STARD13: variants seen among roughly 807,000 people sequenced by gnomAD.
STARD13 encodes the protein StAR related lipid transfer domain containing 13, also known as stAR-related lipid transfer protein 13.
STARD13 carries 62 observed loss-of-function variants against 106.4 expected under a neutral mutation model. That is an observed-to-expected ratio of 0.58 (90% CI 0.48 to 0.72). STARD13 has a LOEUF of 0.72. STARD13 is among the 30% of genes least tolerant of loss of function. STARD13 has a pLI of 0.00. For synonymous variants in STARD13, 565 were observed against 553.0 expected (o/e 1.02, Z -0.31); for missense variants, 1,387 against 1,424.0 (o/e 0.97, Z 0.42).
At chr13:33,420,823 T>G in the STARD13 span, among the ~76,000 whole-genome samples, 1 of 152,120 alleles carries the variant, frequency 6.6e-6, no homozygotes, top group Non-Finnish European at 1.5e-5. Context: ...CACAACCACA[T>G]GGAAACTGAA....
Position 33,276,269 on chromosome 13 carries a change from C to T in STARD13, c.169+9201G>A, listed in dbSNP as rs530827753. On this transcript the variant is annotated intron_variant, in intron 1 of 13. Transcript: ENST00000336934. Reference sequence around the variant, plus strand: ...ATGATTAAGAACCTGTTAAACATAACGCATGGGTTTACAGAAGTCCAGACA... The same window carrying T: ...ATGATTAAGAACCTGTTAAACATAATGCATGGGTTTACAGAAGTCCAGACA... 6.6e-5 allele frequency: 10 copies of T among 152,216 alleles called. No individual in the cohort carries two copies. The East Asian group carries it at 1.5e-3, about 24-fold the overall frequency. 9.4% of individuals were successfully genotyped at this position (152,216 alleles called of 1,614,324 possible).
At chr13:33,359,340 G>A in the STARD13 span, 10 of 164,424 alleles carry the variant, frequency 6.1e-5, no homozygotes, top group South Asian at 1.7e-3. Flanking sequence ...TCACCGCGAA[G>A]GTCTGCAGCT....
At chr13:33,493,135 G>C in the STARD13 span, among the ~76,000 whole-genome samples, 1 of 152,170 alleles carries the variant, frequency 6.6e-6, no homozygotes, top group Non-Finnish European at 1.5e-5. Context: ...GAGGGAATCA[G>C]CAATGTGTGT....
intron 1 of STARD13, among the ~76,000 whole-genome samples, chr13:33,240,318 A>G (rs1889407852): frequency 1.3e-5 from 2 of 152,134 alleles, no homozygotes; most frequent in Admixed American, 1.3e-4. Flanking sequence ...AGGAAGTATG[A>G]AGCCTCCAAC....
rs1877145345 is a variant in STARD13 at position 33,126,208 on chromosome 13, A to G, written c.1955T>C (p.Val652Ala). Residue 652 changes from valine to alanine, a missense_variant, in exon 7 of 14, where the codon GTT becomes GCT. By Grantham distance (64) the Val-to-Ala change is moderately conservative. Coordinates refer to ENST00000336934, the MANE Select transcript of STARD13 (RefSeq NM_178006.4). Reference protein sequence around the residue: ...SVPKFMKRMKVPDYKDKAVFG... With the variant: ...SVPKFMKRMKAPDYKDKAVFG... ...GACAGCCTTGTCTTTGTAGTCGGGA[A>G]CTTTCATCCTCTTCATGAACTTTGG... 6 of 1,614,058 alleles carry G rather than the reference A, an allele frequency of 3.7e-6. No individual in the cohort carries two copies. Among genetic ancestry groups the G allele is most frequent in the Non-Finnish European group, 3.4e-6 (4 of 1,180,040 alleles).
chr13:33,514,795 G>A, the STARD13 span, among the ~76,000 whole-genome samples: 1 of 152,076 alleles, frequency 6.6e-6, no homozygotes, highest in Non-Finnish European at 1.5e-5. Context: ...AAACAAAAAA[G>A]GAGCCTGCCA....
chr13:33,188,495 C>T (rs1314969659), intron 1 of STARD13, among the ~76,000 whole-genome samples: 5 of 152,172 alleles, frequency 3.3e-5, no homozygotes, highest in African/African-American at 1.2e-4. Context: ...CACACCCACC[C>T]ACCCACATGC....
chr13:33,569,801 T>C, the STARD13 span, among the ~76,000 whole-genome samples: 1 of 147,646 alleles, frequency 6.8e-6, no homozygotes, highest in Non-Finnish European at 1.5e-5. Context: ...CTTTGATCAA[T>C]AGCTTAAGAT....
the STARD13 span, among the ~76,000 whole-genome samples, chr13:33,619,149 C>G: frequency 6.7e-6 from 1 of 149,166 alleles, no homozygotes; most frequent in Non-Finnish European, 1.5e-5. Flanking sequence ...AGCACCACAA[C>G]CTATAAGCAA....
chr13:33,155,998 T>C (rs1488906004), intron 3 of STARD13, among the ~76,000 whole-genome samples: 1 of 152,232 alleles, frequency 6.6e-6, no homozygotes, highest in African/African-American at 2.4e-5. Flanking sequence ...CATGCTACAG[T>C]TAATTAGTAT....
chr13:33,582,430 G>A, the STARD13 span, among the ~76,000 whole-genome samples: 1 of 151,964 alleles, frequency 6.6e-6, no homozygotes, highest in East Asian at 1.9e-4. Context: ...CTCAAACTTG[G>A]GTAAAAAACC....
the STARD13 span, among the ~76,000 whole-genome samples, chr13:33,497,998 T>C: frequency 6.6e-6 from 1 of 152,168 alleles, no homozygotes; most frequent in Admixed American, 6.6e-5. Context: ...AACAACCAAC[T>C]TTTTACTAGC....
At chr13:33,411,960 A>G in the STARD13 span, among the ~76,000 whole-genome samples, 1 of 152,230 alleles carries the variant, frequency 6.6e-6, no homozygotes, top group Non-Finnish European at 1.5e-5. Context: ...CAATAGAATG[A>G]CTAAAGGAAA....
chr13:33,444,659 T>G, the STARD13 span, among the ~76,000 whole-genome samples: 1 of 152,036 alleles, frequency 6.6e-6, no homozygotes, highest in South Asian at 2.1e-4. Context: ...TCCCAGCCAC[T>G]AGAGAGACTG....
chr13:33,598,541 G>A, the STARD13 span, among the ~76,000 whole-genome samples: 1 of 151,944 alleles, frequency 6.6e-6, no homozygotes, highest in Admixed American at 6.6e-5. Flanking sequence ...AAACAGTGTT[G>A]GTATAATACA....
At chr13:33,353,383 A>T (rs574123668), upstream of STARD13, among the ~76,000 whole-genome samples, 215 of 152,184 alleles carry the variant, frequency 1.4e-3, no homozygotes, top group African/African-American at 4.9e-3. Context: ...GGGTGCATGG[A>T]CCATTGGACA....
chr13:33,481,432 T>G, the STARD13 span, among the ~76,000 whole-genome samples: 1 of 152,180 alleles, frequency 6.6e-6, no homozygotes, highest in Non-Finnish European at 1.5e-5. Context: ...CTAAAGATAT[T>G]GAACCACAGT....
At chr13:33,422,724 A>T in the STARD13 span, among the ~76,000 whole-genome samples, 1 of 152,236 alleles carries the variant, frequency 6.6e-6, no homozygotes, top group Non-Finnish European at 1.5e-5. Flanking sequence ...CCAAAACAGC[A>T]TGGTACTGGT....
At chr13:33,577,526 G>A in the STARD13 span, among the ~76,000 whole-genome samples, 2 of 152,082 alleles carry the variant, frequency 1.3e-5, no homozygotes, top group Non-Finnish European at 2.9e-5. Flanking sequence ...AGGAGTTATT[G>A]CTAACAAAAT....
Sources: gnomAD v4.1 joint callset for allele counts (sites outside exome capture counted in the v4.1 genomes callset) on GRCh38, gnomAD v4.1.1 for gene constraint, MANE v1.5 for transcripts, NCBI Gene and HGNC (gene_info 2026-07-23, HGNC 2026-07-21) for gene names.